The following CHRNA4 variants were observed in gnomAD, a reference collection of about 807,000 sequenced individuals.
The protein encoded by CHRNA4 is neuronal acetylcholine receptor subunit alpha-4.
A neutral mutation model predicts 48.9 loss-of-function variants in CHRNA4; 28 were observed. That is an observed-to-expected ratio of 0.57 (90% CI 0.42 to 0.79). The LOEUF is 0.79. Among genes scored for constraint, CHRNA4 ranks in the 30% least tolerant of loss-of-function variants. CHRNA4 has a pLI of 0.00. For synonymous variants in CHRNA4, 425 were observed against 402.3 expected (o/e 1.06, Z -0.68); for missense variants, 859 against 898.4 (o/e 0.96, Z 0.56).
chr20:63,355,836 C>T, intron 4 of CHRNA4, 139 bp downstream of exon 4: 1 of 1,202,262 alleles, frequency 8.3e-7, no homozygotes, highest in Non-Finnish European at 1.2e-6. Context: ...TGGGCCTGGG[C>T]TGGCATGCAT....
intron 5 of CHRNA4, among the ~76,000 whole-genome samples, chr20:63,348,964 T>C (rs2068538843): frequency 6.6e-6 from 1 of 152,182 alleles, no homozygotes; most frequent in African/African-American, 2.4e-5. Flanking sequence ...AAACTGTGGC[T>C]CCTGGGGCCT....
intron 1 of CHRNA4, among the ~76,000 whole-genome samples, chr20:63,360,604 C>T (rs1417795462): frequency 6.6e-6 from 1 of 152,000 alleles, no homozygotes; most frequent in South Asian, 2.1e-4. Flanking sequence ...CAGTTCTACA[C>T]CCCTGGGAGC....
rs1422911481 is a variant in CHRNA4, at chr20:63,349,463, C to G, written c.1758+190G>C. 3.9e-6 allele frequency: 3 copies of G among 766,408 alleles called. No homozygotes were observed. In the African/African-American group the frequency reaches 5.2e-5, roughly 13 times the overall value. The allele number at this position is 766,408 out of a possible 1,614,324, so 47.5% of individuals were successfully genotyped here. On this transcript the variant is annotated intron_variant, in intron 5 of 5. Coordinates refer to ENST00000370263, the MANE Select transcript of CHRNA4 (RefSeq NM_000744.7). Reference sequence around the variant, plus strand: ...CAGCCACTCGGGGCCCCCTGCCCCGCTCAGCCTGGGACCTGCGGCCACATA... The same window carrying G: ...CAGCCACTCGGGGCCCCCTGCCCCGGTCAGCCTGGGACCTGCGGCCACATA...
In CHRNA4 at chr20:63,346,709, C is replaced by T. The variant is rs201767204; in HGVS notation, c.*29G>A. On this transcript the variant is annotated 3_prime_UTR_variant, in exon 6 of 6. Transcript: ENST00000370263. ...GGATGCTGGCCCCGTGCACGGCAGC[C>T]CCAGGCCACGCAGGCTCCCGGTCCC... is the stretch of plus-strand genomic sequence containing the variant. The T allele has an allele frequency of 3.1e-6, 5 of 1,594,048 alleles. No individual in the cohort carries two copies. The African/African-American group carries it at 4.0e-5, about 13-fold the overall frequency.
rs1282096175 is a variant in CHRNA4, at chr20:63,344,700, G to C, written c.*2038C>G. On this transcript the variant is annotated 3_prime_UTR_variant, in exon 6 of 6. Coordinates refer to ENST00000370263, the MANE Select transcript of CHRNA4 (RefSeq NM_000744.7). This position sits in a 1 kb window ranked among gnomAD's most constrained non-coding sequence, Gnocchi z 4.5. Reference sequence around the variant, plus strand: ...GGTCCACTTATGCAATGTGGATCGGGCTTCTTACATCTGAAATCTGCGTCT... The same window carrying C: ...GGTCCACTTATGCAATGTGGATCGGCCTTCTTACATCTGAAATCTGCGTCT... 6.6e-6 allele frequency: 3 copies of C among 453,940 alleles called. No individual in the cohort carries two copies. Among genetic ancestry groups the C allele is most frequent in the African/African-American group, 6.0e-5 (3 of 49,980 alleles). The allele number at this position is 453,940 out of a possible 1,614,324, so 28.1% of individuals were successfully genotyped here. A position where few individuals can be genotyped will look rare whatever the true frequency, so the allele number is the denominator to read the frequency against.
Position 63,343,983 on chromosome 20 carries a change from A to G in CHRNA4, c.*2755T>C, listed in dbSNP as rs530350257. 8.8e-6 allele frequency: 4 copies of G among 454,144 alleles called. No individual in the cohort carries two copies. Among genetic ancestry groups the G allele is most frequent in the South Asian group, 6.2e-5 (4 of 64,476 alleles). The allele number at this position is 454,144 out of a possible 1,614,324, so 28.1% of individuals were successfully genotyped here. ...AAACATTAACAGATGCAGAAAATAA[A>G]CATGCATAACGGATAGAGTGCCATG... On this transcript the variant is annotated 3_prime_UTR_variant, in exon 6 of 6. Transcript: ENST00000370263.
rs796052321 is a variant in CHRNA4 at position 63,351,011 on chromosome 20, C to T, written c.400G>A (p.Ala134Thr). 4 of 1,612,836 alleles carry T rather than the reference C, an allele frequency of 2.5e-6. No homozygotes were observed. The highest frequency in any genetic ancestry group is 1.1e-5 in the South Asian group (1 of 91,046). Residue 134 changes from alanine (A) to threonine (T), a missense_variant, in exon 5 of 6, where the codon GCG (alanine) becomes ACG (threonine). Transcript: ENST00000370263. ...TGGGCCTTGGTCAGGTGGGTGACCGCGAAGTCCCCGTCAGCACTGGGCAGG... is the reference window on the plus strand; with the variant it reads ...TGGGCCTTGGTCAGGTGGGTGACCGTGAAGTCCCCGTCAGCACTGGGCAGG... Reference protein sequence around the residue: ...VLYNNADGDFAVTHLTKAHLF... With the variant: ...VLYNNADGDFTVTHLTKAHLF...
At position 63,346,010 on chromosome 20, in the gene CHRNA4, C is replaced by G; in HGVS notation, c.*728G>C. On this transcript the variant is annotated 3_prime_UTR_variant, in exon 6 of 6. Transcript: ENST00000370263. ...ACTCGCTGGGGCTGGGTGTTCCTGT[C>G]CCCCGCGGAGGGCCTGCGCAGGGGA... 1 of 454,040 alleles carries G rather than the reference C, an allele frequency of 2.2e-6. No homozygotes were observed. The highest frequency in any genetic ancestry group is 4.4e-6 in the Non-Finnish European group (1 of 226,740). 28.1% of individuals were successfully genotyped at this position (454,040 alleles called of 1,614,324 possible). A position where few individuals can be genotyped will look rare whatever the true frequency, so the allele number is the denominator to read the frequency against.
At position 63,343,371 on chromosome 20, in the gene CHRNA4, G is replaced by A. The variant is rs200207633; in HGVS notation, c.*3367C>T. ...CGGGGCTTGGTCCATGGGGCTGGCC[G>A]GGCTTGCATCCCCAGGTGCTGTGTG... is the stretch of plus-strand genomic sequence containing the variant. On this transcript the variant is annotated 3_prime_UTR_variant, in exon 6 of 6. Coordinates refer to ENST00000370263, the MANE Select transcript of CHRNA4 (RefSeq NM_000744.7). The A allele has an allele frequency of 5.3e-5, 24 of 454,114 alleles. No individual in the cohort carries two copies. The highest frequency in any genetic ancestry group is 8.4e-5 in the Non-Finnish European group (19 of 226,778). 28.1% of individuals were successfully genotyped at this position (454,114 alleles called of 1,614,324 possible).
At chr20:63,356,553 A>C in intron 2 of CHRNA4, 138 bp from the exon 3 acceptor site, 1 of 889,752 alleles carries the variant, frequency 1.1e-6, no homozygotes, top group Non-Finnish European at 1.8e-6. Flanking sequence ...GGAGGGGGTG[A>C]GTGCCCCGTC....
chr20:63,355,196 G>T (rs2068698792), intron 4 of CHRNA4, among the ~76,000 whole-genome samples: 1 of 152,206 alleles, frequency 6.6e-6, no homozygotes, highest in African/African-American at 2.4e-5. Context: ...AGCGCTGGCT[G>T]CCGGGCGCAG....
At position 63,345,775 on chromosome 20, in the gene CHRNA4, C is replaced by A. The variant is rs1362838287; in HGVS notation, c.*963G>T. 3 of 443,330 alleles carry A rather than the reference C, an allele frequency of 6.8e-6. No individual in the cohort carries two copies. Among genetic ancestry groups the A allele is most frequent in the Non-Finnish European group, 4.6e-6 (1 of 218,250 alleles). 27.5% of individuals were successfully genotyped at this position (443,330 alleles called of 1,614,324 possible). On this transcript the variant is annotated 3_prime_UTR_variant, in exon 6 of 6. Transcript: ENST00000370263. The surrounding 1 kb of genome is among the most constrained non-coding windows in gnomAD (Gnocchi z 5.4). ...TTCTTCCCGAACCCAGAGCCCAGGG[C>A]GGATCTCCCGGGCTGCGCGCCAAGG...
intron 4 of CHRNA4, among the ~76,000 whole-genome samples, chr20:63,351,913 G>A (rs1403869507): frequency 6.6e-6 from 1 of 152,208 alleles, no homozygotes; most frequent in Admixed American, 6.5e-5. Context: ...CGCACTGCAG[G>A]AGCACATTCA....
chr20:63,361,053 G>A, intron 1 of CHRNA4, 37 bp downstream of exon 1: 2 of 1,396,996 alleles, frequency 1.4e-6, no homozygotes, highest in South Asian at 1.5e-5. Flanking sequence ...ATCCGAACGC[G>A]GGCGAAAGGG....
At chr20:63,353,668 T>TAGA (rs2068655442) in intron 4 of CHRNA4, among the ~76,000 whole-genome samples, 1 of 43,574 alleles carries the variant, frequency 2.3e-5, no homozygotes, top group African/African-American at 8.6e-5. Context: ...GCTGTGGTCC[T>TAGA]GGGAGGGCTG....
At chr20:63,355,896 C>CT (rs2068709115) in intron 4 of CHRNA4, 79 bp downstream of exon 4, 1 of 1,574,088 alleles carries the variant, frequency 6.4e-7, no homozygotes, top group African/African-American at 1.4e-5. Flanking sequence ...GTGGAGCTCC[C>CT]TGTCTGGGCA....
In CHRNA4 at chr20:63,345,047, G is replaced by A. The variant is rs1417941498; in HGVS notation, c.*1691C>T. The stretch of plus-strand genomic sequence containing the variant: ...GACCAGCAGCAGTTCAGAGGCAGGT[G>A]TGGGCAATGTGGGCCTGAGTCTCCT... On this transcript the variant is annotated 3_prime_UTR_variant, in exon 6 of 6. Transcript: ENST00000370263. This position sits in a 1 kb window ranked among gnomAD's most constrained non-coding sequence, Gnocchi z 5.4. 1 of 453,620 alleles carries A rather than the reference G, an allele frequency of 2.2e-6. No homozygotes were observed. The highest frequency in any genetic ancestry group is 4.4e-6 in the Non-Finnish European group (1 of 226,436). The allele number at this position is 453,620 out of a possible 1,614,324, so 28.1% of individuals were successfully genotyped here.
At chr20:63,354,543 C>T (rs1308879479) in intron 4 of CHRNA4, 38 of 902,776 alleles carry the variant, frequency 4.2e-5, no homozygotes, top group Non-Finnish European at 4.9e-5. Context: ...CTGGTGGGGG[C>T]TGCAGTCTTT....
Position 63,350,605 on chromosome 20 carries a change from G to A in CHRNA4, c.806C>T (p.Ser269Phe). 6.2e-7 allele frequency: 1 copy of A among 1,614,066 alleles called. No individual in the cohort carries two copies. Among genetic ancestry groups the A allele is most frequent in the Non-Finnish European group, 8.5e-7 (1 of 1,180,024 alleles). ...CLTVLVFYLP[S>F]ECGEKITLCI... ...CAGCGTGATCTTCTCGCCACACTCG[G>A]AGGGCAGGTAGAAGACCAGCACGGT... is the stretch of plus-strand genomic sequence containing the variant. The change falls in exon 5 of 6, where the codon TCC becomes TTC. Residue 269 changes from serine to phenylalanine, a missense_variant. Physicochemically the swap from Ser to Phe is radical, Grantham distance 155 (BLOSUM62 -2). Transcript: ENST00000370263.
Sources: allele counts gnomAD v4.1 joint callset (sites outside exome capture counted in the v4.1 genomes callset), GRCh38; gene constraint gnomAD v4.1.1; non-coding constraint Gnocchi (gnomAD v3.1); transcripts MANE v1.5; gene names NCBI Gene and HGNC (gene_info 2026-07-23, HGNC 2026-07-21).